Variants in PPM1E observed in about 807,000 individuals in gnomAD.
PPM1E encodes protein phosphatase 1E.
A neutral mutation model predicts 65.9 loss-of-function variants in PPM1E; 20 were observed. The observed-to-expected ratio is 0.30, with a 90% CI of 0.21 to 0.44. The LOEUF (loss-of-function observed/expected upper bound fraction) is 0.44. Ranked by LOEUF, PPM1E falls within the 20% of genes least tolerant of loss-of-function variation. The pLI is 1.00. For missense variants in PPM1E, 713 were observed against 953.1 expected (o/e 0.75, Z 3.32); for synonymous variants, 352 against 374.9 (o/e 0.94, Z 0.70).
intron 1 of PPM1E, among the ~76,000 whole-genome samples, chr17:58,796,363 C>T (rs2050205848): frequency 6.6e-6 from 1 of 151,958 alleles, no homozygotes; most frequent in Non-Finnish European, 1.5e-5. Flanking sequence ...TCCCATGGCA[C>T]TTTATTTATT....
chr17:58,981,064 C>A lies in PPM1E; in HGVS notation c.*33C>A. ...TTCAAGTAGGTTAGCTAGCTCTCCC[C>A]CAATAAAAATACCACTATCAGAGTA... is the stretch of plus-strand genomic sequence containing the variant. On this transcript the variant is annotated 3_prime_UTR_variant, in exon 7 of 7. Transcript: ENST00000308249. 1 of 1,444,990 alleles carries A rather than the reference C, an allele frequency of 6.9e-7. No homozygotes were observed. Among genetic ancestry groups the A allele is most frequent in the Non-Finnish European group, 9.4e-7 (1 of 1,063,500 alleles). The allele number at this position is 1,444,990 out of a possible 1,614,324, so 89.5% of individuals were successfully genotyped here.
chr17:58,889,015 GA>G (rs2051314193), intron 1 of PPM1E, among the ~76,000 whole-genome samples: 1 of 152,100 alleles, frequency 6.6e-6, no homozygotes, highest in African/African-American at 2.4e-5. Flanking sequence ...TAATGTAAAG[GA>G]AATGTGAAAA....
At chr17:58,791,190 C>A (rs1035737124) in intron 1 of PPM1E, among the ~76,000 whole-genome samples, 1 of 152,062 alleles carries the variant, frequency 6.6e-6, no homozygotes, top group African/African-American at 2.4e-5. Flanking sequence ...CCGTGCCTGG[C>A]CTGAGAATGA....
intron 1 of PPM1E, among the ~76,000 whole-genome samples, chr17:58,936,808 T>A (rs1031154468): frequency 3.3e-5 from 5 of 152,216 alleles, no homozygotes; most frequent in African/African-American, 1.2e-4. Flanking sequence ...TGAAAATGAA[T>A]GCAAATTAAA....
intron 1 of PPM1E, among the ~76,000 whole-genome samples, chr17:58,794,872 A>G (rs1487965226): frequency 6.7e-6 from 1 of 149,646 alleles, no homozygotes; most frequent in Non-Finnish European, 1.5e-5. Context: ...TGTGATGAAC[A>G]TATATGTACA....
At chr17:58,793,946 C>T (rs968126728) in intron 1 of PPM1E, among the ~76,000 whole-genome samples, 2 of 151,962 alleles carry the variant, frequency 1.3e-5, no homozygotes, top group African/African-American at 2.4e-5. Context: ...TGGGTTCAAA[C>T]GATTTTCGCA....
intron 1 of PPM1E, among the ~76,000 whole-genome samples, chr17:58,807,900 C>T (rs2050330424): frequency 6.6e-6 from 1 of 152,178 alleles, no homozygotes; most frequent in Non-Finnish European, 1.5e-5. Flanking sequence ...CCCAGGTAGG[C>T]AAAATGTAAA....
chr17:58,828,849 A>G (rs1348474146), intron 1 of PPM1E, among the ~76,000 whole-genome samples: 3 of 152,100 alleles, frequency 2.0e-5, no homozygotes, highest in African/African-American at 7.2e-5. Context: ...AATTATAGAC[A>G]GTAACTCTTT....
chr17:58,792,386 G>C (rs1346494321), intron 1 of PPM1E, among the ~76,000 whole-genome samples: 1 of 151,722 alleles, frequency 6.6e-6, no homozygotes, highest in Non-Finnish European at 1.5e-5. Flanking sequence ...TGCCACCAAG[G>C]CTGGAGTGCA....
chr17:58,942,837 G>A (rs146370355), intron 1 of PPM1E, among the ~76,000 whole-genome samples: 14 of 150,090 alleles, frequency 9.3e-5, no homozygotes, highest in Admixed American at 2.0e-4. Flanking sequence ...TAAAAAAAAA[G>A]AAAAAAAAAA....
intron 1 of PPM1E, among the ~76,000 whole-genome samples, chr17:58,872,463 G>A (rs1193311792): frequency 6.6e-6 from 1 of 152,192 alleles, no homozygotes; most frequent in Non-Finnish European, 1.5e-5. Flanking sequence ...CCAGTTGTCA[G>A]CAAAGTGACA....
At chr17:58,801,291 C>T (rs2050255584) in intron 1 of PPM1E, among the ~76,000 whole-genome samples, 1 of 152,110 alleles carries the variant, frequency 6.6e-6, no homozygotes, top group Non-Finnish European at 1.5e-5. Context: ...TCCTTTGATT[C>T]TGTCAATATG....
At chr17:58,926,932 G>A (rs932573929) in intron 1 of PPM1E, among the ~76,000 whole-genome samples, 10 of 151,908 alleles carry the variant, frequency 6.6e-5, no homozygotes, top group Admixed American at 1.3e-4. Context: ...AGTTCTTATA[G>A]CATGAAAATT....
chr17:58,965,219 G>A (rs1379702889), intron 2 of PPM1E, among the ~76,000 whole-genome samples: 1 of 152,020 alleles, frequency 6.6e-6, no homozygotes, highest in South Asian at 2.1e-4. Context: ...GTAGTTTGTG[G>A]GCTGTTTTCG....
chr17:58,793,803 G>A (rs947892186), intron 1 of PPM1E, among the ~76,000 whole-genome samples: 5 of 151,938 alleles, frequency 3.3e-5, no homozygotes, highest in Admixed American at 1.3e-4. Flanking sequence ...TATCCACATC[G>A]ATAAGTAGAA....
At chr17:58,949,603 TC>T (rs2052208814) in intron 1 of PPM1E, among the ~76,000 whole-genome samples, 1 of 152,206 alleles carries the variant, frequency 6.6e-6, no homozygotes, top group Admixed American at 6.5e-5. Context: ...CTTTGTTCCT[TC>T]CCCTCCTATT....
chr17:58,959,099 G>A (rs1042122811), intron 2 of PPM1E, among the ~76,000 whole-genome samples: 40 of 151,572 alleles, frequency 2.6e-4, no homozygotes, highest in Non-Finnish European at 4.6e-4. Flanking sequence ...ACCTGAGGTT[G>A]GGAGTTCGAG....
chr17:58,823,629 A>G (rs575089024), intron 1 of PPM1E, among the ~76,000 whole-genome samples: 30 of 152,336 alleles, frequency 2.0e-4, no homozygotes, highest in African/African-American at 7.2e-4. Context: ...AATGTCTGCA[A>G]AATTAATCTG....
intron 1 of PPM1E, among the ~76,000 whole-genome samples, chr17:58,913,314 T>C (rs1463560684): frequency 6.6e-6 from 1 of 152,174 alleles, no homozygotes; most frequent in African/African-American, 2.4e-5. Context: ...GAAAAGTGTT[T>C]GATTTTTCCC....
Sources: allele counts gnomAD v4.1 joint callset (sites outside exome capture counted in the v4.1 genomes callset), GRCh38; gene constraint gnomAD v4.1.1; transcripts MANE v1.5; gene names NCBI Gene and HGNC (gene_info 2026-07-23, HGNC 2026-07-21).